UMAD1: variants seen among roughly 807,000 people sequenced by gnomAD.
UMAD1 encodes UBAP1-MVB12-associated (UMA) domain containing 1.
In UMAD1, 8 loss-of-function variants were observed where a neutral mutation model predicts 6.1. The ratio of observed to expected loss-of-function variants is 1.30; its 90% CI spans 0.76 to 2.35. The LOEUF is 2.35. Among genes scored for constraint, UMAD1 ranks in the 30% most tolerant of loss-of-function variants. The probability of loss-of-function intolerance (pLI) is 0.00; values close to 1 mark genes in which losing one functional copy is unlikely to be tolerated. For synonymous variants in UMAD1, 56 were observed against 31.4 expected (o/e 1.78, Z -2.61); for missense variants, 130 against 78.4 (o/e 1.66, Z -2.49).
At chr7:7,829,786 T>C (rs1489003056) in intron 3 of UMAD1, among the ~76,000 whole-genome samples, 1 of 152,164 alleles carries the variant, frequency 6.6e-6, no homozygotes, top group Non-Finnish European at 1.5e-5. Context: ...AGAAAAAGCA[T>C]GTAGTATCAG....
Position 7,836,288 on chromosome 7 carries a change from G to A in UMAD1, c.156+34545G>A, listed in dbSNP as rs1216677065. ...CTTAAGCTCTTGGATATTTAAAAGTGGTTTTCTATGGTCTTTACAAAGGAA... is the reference window on the plus strand; with the variant it reads ...CTTAAGCTCTTGGATATTTAAAAGTAGTTTTCTATGGTCTTTACAAAGGAA... On this transcript the variant is annotated intron_variant, in intron 3 of 3. Transcript: ENST00000682710. Among the ~76,000 whole-genome samples the A allele has an allele frequency of 2.6e-5, 4 of 151,904 alleles. No homozygotes were observed. The Middle Eastern group carries it at 0.01, about 390-fold the overall frequency.
At chr7:7,815,875 C>G (rs1314258283) in intron 3 of UMAD1, among the ~76,000 whole-genome samples, 1 of 152,060 alleles carries the variant, frequency 6.6e-6, no homozygotes, top group Non-Finnish European at 1.5e-5. Context: ...AGATATCAAC[C>G]TATTTTGCTT....
At chr7:7,782,384 C>A (rs1031964221) in intron 2 of UMAD1, among the ~76,000 whole-genome samples, 1 of 152,026 alleles carries the variant, frequency 6.6e-6, no homozygotes, top group South Asian at 2.1e-4. Flanking sequence ...TTCATACATG[C>A]GTGCATGTAA....
At chr7:7,670,595 C>G (rs1347904135) in intron 1 of UMAD1, among the ~76,000 whole-genome samples, 4 of 152,206 alleles carry the variant, frequency 2.6e-5, no homozygotes, top group African/African-American at 4.8e-5. Flanking sequence ...CAGTCTGTCT[C>G]ATTGCCCCAT....
intron 2 of UMAD1, among the ~76,000 whole-genome samples, chr7:7,757,255 C>T (rs11982195): frequency 0.1 from 15,418 of 152,164 alleles, 884 homozygotes; most frequent in Non-Finnish European, 0.11. Flanking sequence ...CACATTTTTT[C>T]ACACTATGAG....
At position 7,847,104 on chromosome 7, in the gene UMAD1, AATATATATATATATATATAT is replaced by A. The variant is rs1170307529; in HGVS notation, c.157-30146_157-30127del. ...CAGCAATGCAAAAAAAAAAAAAAAA[AATATATATATATATATATAT>A]ATATATATATATATATATATATATA... is the stretch of plus-strand genomic sequence containing the variant. On this transcript the variant is annotated intron_variant, in intron 3 of 3. Transcript: ENST00000682710. 4.5e-3 allele frequency among the ~76,000 whole-genome samples: 30 copies of A among 6,620 alleles called. 1 individual carries two copies. Among genetic ancestry groups the A allele is most frequent in the African/African-American group, 0.024 (30 of 1,238 alleles). 4.3% of individuals were successfully genotyped at this position (6,620 alleles called of 152,430 possible).
intron 3 of UMAD1, chr7:7,868,714 G>A (rs1244142562): frequency 2.0e-5 from 3 of 152,166 alleles, no homozygotes; most frequent in Admixed American, 2.0e-4. Context: ...TTGAACTGGA[G>A]CCCTCACTTC....
intron 2 of UMAD1, chr7:7,742,315 A>C (rs1781486901): frequency 1.6e-6 from 1 of 628,776 alleles, no homozygotes; most frequent in African/African-American, 1.8e-5. Flanking sequence ...TGGTCAGCGG[A>C]AATTTGATAG....
chr7:7,778,281 A>AGAGG (rs1782266650), intron 2 of UMAD1, among the ~76,000 whole-genome samples: 1 of 148,454 alleles, frequency 6.7e-6, no homozygotes, highest in South Asian at 2.1e-4. Flanking sequence ...TGTGTGAGAG[A>AGAGG]GAGAGAGAGA....
intron 2 of UMAD1, among the ~76,000 whole-genome samples, chr7:7,750,687 C>T (rs1781661349): frequency 6.6e-6 from 1 of 152,092 alleles, no homozygotes; most frequent in Admixed American, 6.6e-5. Flanking sequence ...ATTATTTTAT[C>T]CCCATTTTAC....
chr7:7,659,683 C>T (rs569146446), intron 1 of UMAD1, among the ~76,000 whole-genome samples: 23 of 151,908 alleles, frequency 1.5e-4, no homozygotes, highest in East Asian at 3.9e-4. Context: ...TTATGATTTC[C>T]GTTCTTTTGC....
chr7:7,678,734 T>C (rs375799537), intron 2 of UMAD1, among the ~76,000 whole-genome samples: 2 of 12,250 alleles, frequency 1.6e-4, no homozygotes, highest in South Asian at 1.8e-3. Context: ...TATATATTTA[T>C]ATATTTAGTT....
At chr7:7,693,937 C>T (rs1268861118) in intron 2 of UMAD1, among the ~76,000 whole-genome samples, 4 of 152,068 alleles carry the variant, frequency 2.6e-5, no homozygotes, top group Non-Finnish European at 5.9e-5. Flanking sequence ...GAAGAGCTTT[C>T]CCTCTGAGGA....
chr7:7,833,291 C>A (rs1361102739), intron 3 of UMAD1, among the ~76,000 whole-genome samples: 1 of 152,062 alleles, frequency 6.6e-6, no homozygotes, highest in Admixed American at 6.6e-5. Flanking sequence ...GAAATTAAGA[C>A]CAGAGTCATC....
At chr7:7,716,789 C>G (rs147040048) in intron 2 of UMAD1, among the ~76,000 whole-genome samples, 1 of 152,100 alleles carries the variant, frequency 6.6e-6, no homozygotes, top group African/African-American at 2.4e-5. Context: ...ACTAAAAGCA[C>G]AAAAAAATTA....
At chr7:7,774,544 G>A (rs1230003609) in intron 2 of UMAD1, among the ~76,000 whole-genome samples, 1 of 152,182 alleles carries the variant, frequency 6.6e-6, no homozygotes, top group African/African-American at 2.4e-5. Context: ...GTGTTGTGAG[G>A]TAGTATAGTT....
rs559857582 is a variant in UMAD1 at position 7,703,769 on chromosome 7, G to A, written c.82+30316G>A. ...AGCCTGGGCAACGTGGCGAAACCCC[G>A]TTTCTACAAATAATGCAAAATTAGC... is the stretch of plus-strand genomic sequence containing the variant. On this transcript the variant is annotated intron_variant, in intron 2 of 3. Transcript: ENST00000682710. 1.4e-4 allele frequency among the ~76,000 whole-genome samples: 22 copies of A among 152,126 alleles called. 1 individual carries two copies. Among genetic ancestry groups the A allele is most frequent in the African/African-American group, 2.6e-4 (11 of 41,510 alleles).
At chr7:7,701,239 G>A (rs991935953) in intron 2 of UMAD1, among the ~76,000 whole-genome samples, 2 of 152,116 alleles carry the variant, frequency 1.3e-5, no homozygotes, top group African/African-American at 4.8e-5. Flanking sequence ...CTCTCTAACT[G>A]TGGGGCTTAG....
intron 3 of UMAD1, among the ~76,000 whole-genome samples, chr7:7,865,942 A>G (rs1464431910): frequency 3.9e-5 from 6 of 152,148 alleles, no homozygotes; most frequent in African/African-American, 1.4e-4. Flanking sequence ...CCTTTAGGAG[A>G]TGTATTTGTA....
Sources: gnomAD v4.1 joint callset for allele counts (sites outside exome capture counted in the v4.1 genomes callset) on GRCh38, gnomAD v4.1.1 for gene constraint, MANE v1.5 for transcripts, NCBI Gene and HGNC (gene_info 2026-07-23, HGNC 2026-07-21) for gene names.